The following EYS variants were observed in gnomAD, a reference collection of about 807,000 sequenced individuals.
EYS encodes EGF-like photoreceptor maintenance factor.
A neutral mutation model predicts 282.1 loss-of-function variants in EYS; 250 were observed. That is an observed-to-expected ratio of 0.89 (90% CI 0.80 to 0.98). The LOEUF is 0.98. Among genes scored for constraint, EYS ranks in the 50% least tolerant of loss-of-function variants. The pLI is 0.00. For missense variants in EYS, 4,016 were observed against 3,709.0 expected (o/e 1.08, Z -2.15); for synonymous variants, 1,355 against 1,282.9 (o/e 1.06, Z -1.20).
At position 64,191,898 on chromosome 6, in the gene EYS, C is replaced by T. The variant is rs1259950303; in HGVS notation, c.6424+38694G>A. Among the ~76,000 whole-genome samples the T allele has an allele frequency of 2.5e-3, 382 of 150,084 alleles. 2 individuals are homozygous for T. The highest frequency in any genetic ancestry group is 3.5e-3 in the Middle Eastern group (1 of 286). On this transcript the variant is annotated intron_variant, in intron 31 of 42. Transcript: ENST00000503581. ...TTCTAGTTCAAGATCCCTGAGGAATCGCCACACTGACTTCCACAATGGTTG... is the reference window on the plus strand; with the variant it reads ...TTCTAGTTCAAGATCCCTGAGGAATTGCCACACTGACTTCCACAATGGTTG...
chr6:64,500,119 A>C (rs1435201785), intron 26 of EYS, among the ~76,000 whole-genome samples: 3 of 152,118 alleles, frequency 2.0e-5, no homozygotes, highest in Non-Finnish European at 4.4e-5. Context: ...CTGTTAGCTA[A>C]ATGTAATCAT....
At chr6:63,737,317 A>G (rs1444504866) in intron 41 of EYS, among the ~76,000 whole-genome samples, 1 of 152,134 alleles carries the variant, frequency 6.6e-6, no homozygotes, top group African/African-American at 2.4e-5. Context: ...AATTTTGTCA[A>G]AGGCCTTTTC....
At chr6:65,382,461 G>GTGTGTGTGCGTC (rs1765651598) in intron 8 of EYS, among the ~76,000 whole-genome samples, 1 of 125,044 alleles carries the variant, frequency 8.0e-6, no homozygotes, top group Non-Finnish European at 1.6e-5. Context: ...TTTCCTCTGT[G>GTGTGTGTGCGTC]TGTGTGTGTG....
At chr6:63,809,637 G>T (rs1236436705) in intron 36 of EYS, among the ~76,000 whole-genome samples, 1 of 151,998 alleles carries the variant, frequency 6.6e-6, no homozygotes, top group African/African-American at 2.4e-5. Context: ...AATCACTAAT[G>T]CTCTGGGATC....
chr6:64,426,092 A>C (rs1212699046), intron 28 of EYS, among the ~76,000 whole-genome samples: 1 of 152,186 alleles, frequency 6.6e-6, no homozygotes, highest in Non-Finnish European at 1.5e-5. Context: ...TAGGAGAAAC[A>C]CCAACAACTT....
At chr6:64,254,083 C>A (rs1322624469) in intron 30 of EYS, among the ~76,000 whole-genome samples, 1 of 152,062 alleles carries the variant, frequency 6.6e-6, no homozygotes, top group Non-Finnish European at 1.5e-5. Flanking sequence ...AAATTGGTGG[C>A]AGATTGTTGT....
At chr6:65,039,542 T>C (rs1398270000) in intron 13 of EYS, among the ~76,000 whole-genome samples, 1 of 151,536 alleles carries the variant, frequency 6.6e-6, no homozygotes, top group Non-Finnish European at 1.5e-5. Context: ...AGGGATTACA[T>C]TGAATCTATG....
intron 26 of EYS, among the ~76,000 whole-genome samples, chr6:64,502,513 C>T (rs930972989): frequency 9.2e-5 from 14 of 152,174 alleles, no homozygotes; most frequent in Admixed American, 2.0e-4. Context: ...TGAGCCACTG[C>T]GCTCGGCCGG....
intron 22 of EYS, among the ~76,000 whole-genome samples, chr6:64,704,249 C>G (rs921813946): frequency 2.7e-5 from 4 of 149,480 alleles, no homozygotes; most frequent in Admixed American, 6.7e-5. Context: ...CCACTTATAT[C>G]TGTACTTTGT....
chr6:63,991,394 A>G (rs186143939), intron 34 of EYS, among the ~76,000 whole-genome samples: 3 of 151,860 alleles, frequency 2.0e-5, no homozygotes, highest in Admixed American at 2.0e-4. Flanking sequence ...CAACCCTTTA[A>G]AAAGAGATCT....
chr6:65,129,699 T>C (rs1043450771), intron 12 of EYS, among the ~76,000 whole-genome samples: 1 of 151,962 alleles, frequency 6.6e-6, no homozygotes, highest in African/African-American at 2.4e-5. Flanking sequence ...AATAAAACAC[T>C]TATACATAGT....
intron 22 of EYS, among the ~76,000 whole-genome samples, chr6:64,684,362 T>C (rs960313124): frequency 2.0e-5 from 3 of 152,170 alleles, no homozygotes; most frequent in African/African-American, 7.2e-5. Context: ...TATTTCTGAA[T>C]ACAAACCTCT....
At chr6:64,338,982 G>T (rs1388770806) in intron 29 of EYS, among the ~76,000 whole-genome samples, 4 of 151,560 alleles carry the variant, frequency 2.6e-5, no homozygotes, top group Non-Finnish European at 4.4e-5. Flanking sequence ...CAAAAAATCA[G>T]CTCAAGATGG....
At chr6:65,296,711 GT>G (rs1768676559) in intron 11 of EYS, among the ~76,000 whole-genome samples, 1 of 151,654 alleles carries the variant, frequency 6.6e-6, no homozygotes, top group African/African-American at 2.4e-5. Flanking sequence ...CATTATTTTA[GT>G]TTTTTAGATA....
intron 20 of EYS, 144 bp from the exon 21 acceptor site, chr6:64,821,867 G>A: frequency 2.1e-6 from 1 of 476,304 alleles, no homozygotes; most frequent in Non-Finnish European, 3.8e-6. Flanking sequence ...GTTTATTCCT[G>A]GGTTTCTTAT....
chr6:63,773,435 T>C (rs932626306), intron 40 of EYS, among the ~76,000 whole-genome samples: 22 of 152,314 alleles, frequency 1.4e-4, no homozygotes, highest in African/African-American at 5.3e-4. Context: ...CTCAGCTGAT[T>C]GCTTGGTAAG....
chr6:65,330,209 T>G, intron 11 of EYS: 4 of 954,722 alleles, frequency 4.2e-6, no homozygotes, highest in Non-Finnish European at 5.0e-6. Context: ...GGGACAGGTA[T>G]CATGTCTCAT....
intron 24 of EYS, among the ~76,000 whole-genome samples, chr6:64,594,787 ATATG>A (rs1435773168): frequency 6.6e-6 from 1 of 151,868 alleles, no homozygotes; most frequent in Non-Finnish European, 1.5e-5. Context: ...ACATGTATAC[ATATG>A]TAACAAACCT....
At chr6:65,153,631 GA>G (rs1356395359) in intron 12 of EYS, among the ~76,000 whole-genome samples, 1 of 151,610 alleles carries the variant, frequency 6.6e-6, no homozygotes, top group African/African-American at 2.4e-5. Flanking sequence ...GTATCATTAT[GA>G]TTTCTAATCA....
Sources: gnomAD v4.1 joint callset for allele counts (sites outside exome capture counted in the v4.1 genomes callset) on GRCh38, gnomAD v4.1.1 for gene constraint, MANE v1.5 for transcripts, NCBI Gene and HGNC (gene_info 2026-07-23, HGNC 2026-07-21) for gene names.